Variants in NRXN3 observed in about 807,000 individuals in gnomAD.
NRXN3 encodes the protein neurexin III.
In NRXN3, 32 loss-of-function variants were observed where a neutral mutation model predicts 137.6. That is an observed-to-expected ratio of 0.23 (90% CI 0.18 to 0.31). The LOEUF (loss-of-function observed/expected upper bound fraction) is 0.31. Among genes scored for constraint, NRXN3 ranks in the 10% least tolerant of loss-of-function variants. The pLI is 1.00. For synonymous variants in NRXN3, 798 were observed against 784.5 expected, an observed-to-expected ratio of 1.02 and a Z score of -0.29; for missense variants, 1,574 against 2,062.5, an observed-to-expected ratio of 0.76 and a Z score of 4.59.
chr14:79,460,274 CA>C (rs2096314030), intron 15 of NRXN3, among the ~76,000 whole-genome samples: 1 of 152,112 alleles, frequency 6.6e-6, no homozygotes, highest in African/African-American at 2.4e-5. Context: ...ATGTTCCCAT[CA>C]AAAGTTCCAG....
intron 16 of NRXN3, among the ~76,000 whole-genome samples, chr14:79,479,507 ATT>A (rs1381708947): frequency 6.6e-6 from 1 of 151,788 alleles, no homozygotes; most frequent in Non-Finnish European, 1.5e-5. Context: ...GCTTTTCATA[ATT>A]TTCTATTCAA....
chr14:78,839,543 T>G (rs903579188), intron 10 of NRXN3, among the ~76,000 whole-genome samples: 1 of 152,102 alleles, frequency 6.6e-6, no homozygotes, highest in Admixed American at 6.6e-5. Context: ...CTATCTGGAG[T>G]GAAGGAGGTG....
At chr14:78,487,083 C>G (rs1417823159) in intron 4 of NRXN3, among the ~76,000 whole-genome samples, 1 of 152,154 alleles carries the variant, frequency 6.6e-6, no homozygotes, top group African/African-American at 2.4e-5. Context: ...TATGGTCTGG[C>G]TGACCTTCTG....
chr14:78,281,817 C>A (rs1343194951), intron 3 of NRXN3, among the ~76,000 whole-genome samples: 1 of 152,140 alleles, frequency 6.6e-6, no homozygotes, highest in Non-Finnish European at 1.5e-5. Context: ...GTGACTAGGC[C>A]AGGATCCCGG....
At chr14:79,035,719 G>T (rs1249715858) in intron 15 of NRXN3, among the ~76,000 whole-genome samples, 1 of 151,942 alleles carries the variant, frequency 6.6e-6, no homozygotes, top group Non-Finnish European at 1.5e-5. Flanking sequence ...AAAATCACCA[G>T]CCCAGAGGCA....
intron 15 of NRXN3, among the ~76,000 whole-genome samples, chr14:79,171,422 T>C (rs2061770530): frequency 6.6e-6 from 1 of 152,134 alleles, no homozygotes; most frequent in South Asian, 2.1e-4. Flanking sequence ...TCCTAGTTTC[T>C]TCCCCACCTG....
At chr14:79,758,883 G>A (rs2099029074) in intron 19 of NRXN3, among the ~76,000 whole-genome samples, 1 of 152,132 alleles carries the variant, frequency 6.6e-6, no homozygotes, top group Non-Finnish European at 1.5e-5. Context: ...AGCTACAACT[G>A]CCCAGAGAAG....
intron 15 of NRXN3, among the ~76,000 whole-genome samples, chr14:79,161,051 A>G (rs1405543805): frequency 1.3e-5 from 2 of 151,952 alleles, no homozygotes; most frequent in Non-Finnish European, 2.9e-5. Context: ...ATAGCATTCA[A>G]TTTTAAGCCA....
intron 7 of NRXN3, among the ~76,000 whole-genome samples, chr14:78,713,776 T>C (rs542397522): frequency 1.3e-5 from 2 of 152,128 alleles, no homozygotes; most frequent in Non-Finnish European, 2.9e-5. Flanking sequence ...AAATGCCAGA[T>C]ACTTATAAAA....
At chr14:78,735,909 A>G (rs965859924) in intron 8 of NRXN3, among the ~76,000 whole-genome samples, 4 of 152,176 alleles carry the variant, frequency 2.6e-5, no homozygotes, top group African/African-American at 7.2e-5. Context: ...AGACATCCCC[A>G]TTAGATGGAA....
intron 4 of NRXN3, among the ~76,000 whole-genome samples, chr14:78,346,269 A>C (rs777230676): frequency 1.3e-5 from 2 of 152,130 alleles, no homozygotes; most frequent in Non-Finnish European, 2.9e-5. Flanking sequence ...CCATCTTCCC[A>C]ACTCCAGAAG....
At chr14:78,416,115 T>C (rs750983025) in intron 4 of NRXN3, among the ~76,000 whole-genome samples, 1 of 152,144 alleles carries the variant, frequency 6.6e-6, no homozygotes, top group South Asian at 2.1e-4. Flanking sequence ...GTTGGCAGAA[T>C]GGCATGCATG....
intron 9 of NRXN3, 140 bp downstream of exon 9, chr14:78,803,963 A>G: frequency 2.5e-6 from 2 of 797,788 alleles, no homozygotes; most frequent in East Asian, 2.7e-5. Flanking sequence ...CCAGGATAAA[A>G]CCCAACAGCA....
At chr14:79,497,914 G>A (rs1311599695) in intron 16 of NRXN3, among the ~76,000 whole-genome samples, 2 of 152,014 alleles carry the variant, frequency 1.3e-5, no homozygotes, top group South Asian at 2.1e-4. Context: ...CGCCCCTGTA[G>A]TCCCAGCTAC....
At chr14:78,237,803 T>C (rs2066514346) in intron 1 of NRXN3, among the ~76,000 whole-genome samples, 1 of 152,098 alleles carries the variant, frequency 6.6e-6, no homozygotes, top group African/African-American at 2.4e-5. Flanking sequence ...GCAGTGAACA[T>C]GGGGCAAAAC....
At chr14:79,126,611 T>A (rs2152941207) in intron 15 of NRXN3, among the ~76,000 whole-genome samples, 1 of 152,304 alleles carries the variant, frequency 6.6e-6, no homozygotes, top group South Asian at 2.1e-4. Flanking sequence ...TCTTTGCTGT[T>A]GTGAATAATG....
At chr14:79,483,788 G>GGT (rs1056871872) in intron 16 of NRXN3, among the ~76,000 whole-genome samples, 3 of 148,360 alleles carry the variant, frequency 2.0e-5, no homozygotes, top group Non-Finnish European at 4.4e-5. Context: ...TGTGTGGGTG[G>GGT]GTGTGTGTGT....
At chr14:79,329,982 C>G (rs1471422252) in intron 15 of NRXN3, among the ~76,000 whole-genome samples, 1 of 151,768 alleles carries the variant, frequency 6.6e-6, no homozygotes, top group Non-Finnish European at 1.5e-5. Context: ...TGGGAACACA[C>G]CACTACTTCC....
chr14:78,657,280 C>T (rs766310606), intron 6 of NRXN3, among the ~76,000 whole-genome samples: 15 of 152,292 alleles, frequency 9.8e-5, no homozygotes, highest in Middle Eastern at 3.4e-3. Flanking sequence ...CAAGCCAAGA[C>T]TGAGTTACAT....
Sources: gnomAD v4.1 joint callset for allele counts (sites outside exome capture counted in the v4.1 genomes callset) on GRCh38, gnomAD v4.1.1 for gene constraint, MANE v1.5 for transcripts, NCBI Gene and HGNC (gene_info 2026-07-23, HGNC 2026-07-21) for gene names.